The following ULK2 variants were observed in gnomAD, a reference collection of about 807,000 sequenced individuals.
ULK2 encodes serine/threonine-protein kinase ULK2.
In ULK2, 76 loss-of-function variants were observed where a neutral mutation model predicts 127.5. The observed-to-expected ratio is 0.60, with a 90% CI of 0.50 to 0.72. The LOEUF (loss-of-function observed/expected upper bound fraction) is 0.72, where lower values mean the gene tolerates loss of function less well. Ranked by LOEUF, ULK2 falls within the 30% of genes least tolerant of loss-of-function variation. ULK2 has a pLI of 0.00. For synonymous variants in ULK2, 452 were observed against 461.9 expected (o/e 0.98, Z 0.28); for missense variants, 1,144 against 1,295.9 (o/e 0.88, Z 1.80).
In ULK2 at chr17:19,804,710, A is replaced by C; in HGVS notation, c.1278T>G (p.Asn426Lys). The C allele has an allele frequency of 6.2e-7, 1 of 1,608,388 alleles. No homozygotes were observed. The highest frequency in any genetic ancestry group is 8.5e-7 in the Non-Finnish European group (1 of 1,177,024). The change falls in exon 15 of 27, where the codon AAT (asparagine) becomes AAG (lysine). Residue 426 changes from asparagine to lysine, a missense_variant. Transcript: ENST00000395544. ...TAACTTACCTTGGAGAACCATGTAC[A>C]TTTGTGCCTGAGCTGGCAGTAGATG... is the stretch of plus-strand genomic sequence containing the variant. ...NLTSTASSGTNVHGSPRSAVV... is the reference protein window; with the variant it reads ...NLTSTASSGTKVHGSPRSAVV...
intron 3 of ULK2, among the ~76,000 whole-genome samples, chr17:19,856,976 CCAAAAAA>C (rs1261105559): frequency 1.4e-5 from 1 of 71,272 alleles, no homozygotes; most frequent in East Asian, 4.9e-4. Context: ...GACTCCATCT[CCAAAAAA>C]AAAAAAAAAA....
intron 7 of ULK2, 59 bp downstream of exon 7, chr17:19,845,245 A>C: frequency 6.9e-7 from 1 of 1,449,692 alleles, no homozygotes; most frequent in Non-Finnish European, 9.6e-7. Context: ...CATTATATTT[A>C]AATTCCAATG....
Position 19,785,834 on chromosome 17 carries a change from C to G in ULK2, c.2251+103G>C, listed in dbSNP as rs2087016961. 2.2e-6 allele frequency: 3 copies of G among 1,380,258 alleles called. No homozygotes were observed. In the African/African-American group the frequency reaches 4.5e-5, roughly 21 times the overall value. The allele number at this position is 1,380,258 out of a possible 1,614,324, so 85.5% of individuals were successfully genotyped here. A position where few individuals can be genotyped will look rare whatever the true frequency, so the allele number is the denominator to read the frequency against. On this transcript the variant is annotated intron_variant, in intron 21 of 26. Coordinates refer to ENST00000395544, the MANE Select transcript of ULK2 (RefSeq NM_014683.4). Reference sequence around the variant, plus strand: ...TTTCACTGGTAAAGAAACTGAAGCCCAGAGAATTAAGTGACTTGTCCAAGT... The same window carrying G: ...TTTCACTGGTAAAGAAACTGAAGCCGAGAGAATTAAGTGACTTGTCCAAGT...
intron 12 of ULK2, 125 bp from the exon 13 acceptor site, chr17:19,817,045 G>T: frequency 2.6e-6 from 2 of 769,848 alleles, no homozygotes; most frequent in African/African-American, 1.9e-5. Flanking sequence ...TCCATCTAAG[G>T]TTTCAAAAAA....
chr17:19,846,606 C>G, intron 6 of ULK2, 131 bp downstream of exon 6: 1 of 1,067,936 alleles, frequency 9.4e-7, no homozygotes, highest in East Asian at 2.5e-5. Flanking sequence ...CGCCACTACA[C>G]GCCAGCCTGA....
chr17:19,832,938 C>T (rs1389689875), intron 10 of ULK2, among the ~76,000 whole-genome samples: 2 of 151,948 alleles, frequency 1.3e-5, no homozygotes, highest in South Asian at 2.1e-4. Context: ...GCCTGGCCAA[C>T]GTGGTGAAAC....
At position 19,866,320 on chromosome 17, in the gene ULK2, T is replaced by C. The variant is rs557178388; in HGVS notation, c.91-492A>G. ...TTCAAGACCACACTGGCCAACGTGG[T>C]GAAACCCCATCTCTACTAAAAATAC... On this transcript the variant is annotated intron_variant, in intron 1 of 26. Transcript: ENST00000395544. 1.4e-3 allele frequency among the ~76,000 whole-genome samples: 211 copies of C among 150,498 alleles called. 1 individual carries two copies. The highest frequency in any genetic ancestry group is 5.0e-3 in the African/African-American group (206 of 40,892).
intron 13 of ULK2, 41 bp downstream of exon 13, chr17:19,816,708 G>A: frequency 6.8e-7 from 1 of 1,479,506 alleles, no homozygotes; most frequent in Non-Finnish European, 8.9e-7. Flanking sequence ...TAGTTTAGTA[G>A]ATTAAGAAAT....
chr17:19,781,780 G>T, intron 23 of ULK2, 109 bp downstream of exon 23: 1 of 1,275,232 alleles, frequency 7.8e-7, no homozygotes, highest in Non-Finnish European at 1.1e-6. Flanking sequence ...GAGACTCCTA[G>T]CTTTTAATAA....
chr17:19,851,589 G>C (rs538037216), intron 3 of ULK2, among the ~76,000 whole-genome samples: 1 of 144,788 alleles, frequency 6.9e-6, no homozygotes, highest in East Asian at 2.1e-4. Flanking sequence ...GCAGTGAGCT[G>C]AGACCGCGCC....
At position 19,804,723 on chromosome 17, in the gene ULK2, C is replaced by G. The variant is rs766615063; in HGVS notation, c.1265G>C (p.Ser422Thr). ...RIEQNLTSTA[S>T]SGTNVHGSPR... is the part of the protein sequence containing the mutation. ...AGAACCATGTACATTTGTGCCTGAG[C>G]TGGCAGTAGATGTAAGATTCTGCTC... Residue 422 changes from serine (S) to threonine (T), a missense_variant, in exon 15 of 27, where the codon AGC becomes ACC. Ser to Thr is a moderately conservative substitution (Grantham distance 58). Transcript: ENST00000395544. 13 of 1,608,698 alleles carry G rather than the reference C, an allele frequency of 8.1e-6. No individual in the cohort carries two copies. In the African/African-American group the frequency reaches 1.3e-4, roughly 17 times the overall value.
intron 10 of ULK2, among the ~76,000 whole-genome samples, chr17:19,833,231 A>C (rs2041507772): frequency 6.6e-6 from 1 of 152,064 alleles, no homozygotes; most frequent in Admixed American, 6.6e-5. Flanking sequence ...TTGATTTTTG[A>C]CAAAAAACCG....
Position 19,846,732 on chromosome 17 carries a change from T to G in ULK2, c.469+5A>C. 5 of 1,597,364 alleles carry G rather than the reference T, an allele frequency of 3.1e-6. No individual in the cohort carries two copies. Among genetic ancestry groups the G allele is most frequent in the Non-Finnish European group, 4.3e-6 (5 of 1,171,934 alleles). ...CTTTCCATGACACAATACATGGCCA[T>G]TTACCTATTTTGATGCGAATACCAC... On this transcript the variant is annotated splice_donor_5th_base_variant and intron_variant, in intron 6 of 26. Coordinates refer to ENST00000395544, the MANE Select transcript of ULK2 (RefSeq NM_014683.4).
At chr17:19,778,830 C>A (rs946214511) in intron 25 of ULK2, among the ~76,000 whole-genome samples, 1 of 152,002 alleles carries the variant, frequency 6.6e-6, no homozygotes, top group Non-Finnish European at 1.5e-5. Context: ...AAGATCAGAG[C>A]CAGGACAAGG....
chr17:19,785,164 G>A (rs1198447041), intron 21 of ULK2, among the ~76,000 whole-genome samples: 1 of 152,008 alleles, frequency 6.6e-6, no homozygotes, highest in Non-Finnish European at 1.5e-5. Flanking sequence ...AGGATTAAGT[G>A]CAAAGATTGA....
chr17:19,843,640 C>G (rs776245879), intron 7 of ULK2, among the ~76,000 whole-genome samples: 133 of 150,596 alleles, frequency 8.8e-4, no homozygotes, highest in Non-Finnish European at 1.4e-3. Context: ...GGAACTTGGG[C>G]TGTCTCCAAA....
At chr17:19,865,936 A>G (rs1292018573) in intron 1 of ULK2, 108 bp from the exon 2 acceptor site, 3 of 623,934 alleles carry the variant, frequency 4.8e-6, no homozygotes, top group Non-Finnish European at 8.4e-6. Context: ...GGCATTGGGG[A>G]AAAATGGAAT....
At chr17:19,805,927 A>C (rs2087505776) in intron 14 of ULK2, among the ~76,000 whole-genome samples, 1 of 152,222 alleles carries the variant, frequency 6.6e-6, no homozygotes, top group Non-Finnish European at 1.5e-5. Flanking sequence ...TGGAATTCCT[A>C]ATGATACGCC....
In ULK2 at chr17:19,820,271, T is replaced by C. The variant is rs370886382; in HGVS notation, c.925-3351A>G. Among the ~76,000 whole-genome samples the C allele has an allele frequency of 5.9e-5, 9 of 152,202 alleles. No individual in the cohort carries two copies. The South Asian group carries it at 1.0e-3, about 18-fold the overall frequency. On this transcript the variant is annotated intron_variant, in intron 12 of 26. Transcript: ENST00000395544. ...ACCATGTTGGCCAGGATGGTCTCAG[T>C]CTCTTGACCTTGTGATCCACCCGCC...
Sources: gnomAD v4.1 joint callset for allele counts (sites outside exome capture counted in the v4.1 genomes callset) on GRCh38, gnomAD v4.1.1 for gene constraint, MANE v1.5 for transcripts, NCBI Gene and HGNC (gene_info 2026-07-23, HGNC 2026-07-21) for gene names.